Variants in TINAG observed in about 807,000 individuals in gnomAD.
The protein encoded by TINAG is tubulointerstitial nephritis antigen.
TINAG carries 83 observed loss-of-function variants against 72.7 expected under a neutral mutation model. That is an observed-to-expected ratio of 1.14 (90% CI 0.96 to 1.37). The LOEUF (loss-of-function observed/expected upper bound fraction) is 1.37, where lower values mean the gene tolerates loss of function less well. TINAG is among the 40% of genes most tolerant of loss of function. The pLI is 0.00. For synonymous variants in TINAG, 234 were observed against 189.9 expected, an observed-to-expected ratio of 1.23 and a Z score of -1.91; for missense variants, 685 against 576.6, an observed-to-expected ratio of 1.19 and a Z score of -1.93.
At chr6:54,380,675 T>C in intron 10 of TINAG, 104 bp downstream of exon 10, 1 of 809,078 alleles carries the variant, frequency 1.2e-6, no homozygotes. Flanking sequence ...TCCTCAGCTG[T>C]GTAATATTGT....
At chr6:54,342,181 G>A (rs13197807) in intron 4 of TINAG, among the ~76,000 whole-genome samples, 156 of 152,202 alleles carry the variant, frequency 1.0e-3, no homozygotes, top group African/African-American at 3.4e-3. Context: ...CTTTAGAAAA[G>A]TTTGGGAAAT....
intron 9 of TINAG, among the ~76,000 whole-genome samples, chr6:54,378,844 T>G (rs551036278): frequency 1.3e-5 from 2 of 152,142 alleles, no homozygotes; most frequent in Admixed American, 6.6e-5. Context: ...GAAAGCAAAA[T>G]TATTCTTCAT....
chr6:54,311,965 C>T (rs1784269283), intron 1 of TINAG, among the ~76,000 whole-genome samples: 1 of 152,080 alleles, frequency 6.6e-6, no homozygotes, highest in Non-Finnish European at 1.5e-5. Context: ...TTAAAAATAT[C>T]CTTAAATAGA....
At chr6:54,372,415 T>C (rs1763646967) in intron 9 of TINAG, among the ~76,000 whole-genome samples, 1 of 152,248 alleles carries the variant, frequency 6.6e-6, no homozygotes, top group Middle Eastern at 3.4e-3. Flanking sequence ...GATTTTATTT[T>C]ATAATTGAAT....
intron 3 of TINAG, among the ~76,000 whole-genome samples, chr6:54,321,729 T>G (rs1404155731): frequency 6.6e-6 from 1 of 152,162 alleles, no homozygotes; most frequent in African/African-American, 2.4e-5. Flanking sequence ...CTCCCTCTGC[T>G]GCTGCCCTCA....
chr6:54,318,706 C>T (rs565958586), intron 1 of TINAG, among the ~76,000 whole-genome samples: 11 of 152,156 alleles, frequency 7.2e-5, no homozygotes, highest in Non-Finnish European at 1.3e-4. Flanking sequence ...ATATTTTTGA[C>T]GATCTCTGTA....
At position 54,326,615 on chromosome 6, in the gene TINAG, C is replaced by T. The variant is rs935739825; in HGVS notation, c.510-187C>T. 5.9e-5 allele frequency among the ~76,000 whole-genome samples: 9 copies of T among 152,174 alleles called. No homozygotes were observed. In the East Asian group the frequency reaches 1.5e-3, roughly 26 times the overall value. On this transcript the variant is annotated intron_variant, in intron 3 of 10. Coordinates refer to ENST00000259782, the MANE Select transcript of TINAG (RefSeq NM_014464.4). ...TGGACCTTATTTAGGAAGAGTATCT[C>T]ATACCCTTGATTATAAAATAATCAA...
In TINAG at chr6:54,380,601, C is replaced by T. The variant is rs1411742790; in HGVS notation, c.1296+30C>T. 3.2e-6 allele frequency: 5 copies of T among 1,584,262 alleles called. No individual in the cohort carries two copies. The South Asian group carries it at 5.6e-5, about 18-fold the overall frequency. On this transcript the variant is annotated intron_variant, in intron 10 of 10. Coordinates refer to ENST00000259782, the MANE Select transcript of TINAG (RefSeq NM_014464.4). ...GTAACTCTTTCCAGTTGAATTCCTG[C>T]TGTGAAGTGAATATGTTCAAATCTT...
chr6:54,363,619 C>CA (rs75017897), intron 9 of TINAG, among the ~76,000 whole-genome samples: 25,777 of 115,274 alleles, frequency 0.22, 2,737 homozygotes, highest in East Asian at 0.36. Flanking sequence ...CAACGGGTAT[C>CA]AAAAAAAAAA....
At chr6:54,336,634 C>A (rs1784871001) in intron 4 of TINAG, among the ~76,000 whole-genome samples, 1 of 152,022 alleles carries the variant, frequency 6.6e-6, no homozygotes, top group South Asian at 2.1e-4. Flanking sequence ...ATTAAGAGTT[C>A]ATTTGTATGC....
chr6:54,312,875 A>G lies in TINAG; in HGVS notation c.355+3970A>G, dbSNP rs886331046. Among the ~76,000 whole-genome samples the G allele has an allele frequency of 4.6e-5, 7 of 152,062 alleles. No homozygotes were observed. In the South Asian group the frequency reaches 8.3e-4, roughly 18 times the overall value. ...GGTAACATGTATTTTCCATTTTCCCATATCCCTTACCCCTTGCTATTTTCT... is the reference window on the plus strand; with the variant it reads ...GGTAACATGTATTTTCCATTTTCCCGTATCCCTTACCCCTTGCTATTTTCT... On this transcript the variant is annotated intron_variant, in intron 1 of 10. Coordinates refer to ENST00000259782, the MANE Select transcript of TINAG (RefSeq NM_014464.4).
At chr6:54,318,531 C>T (rs1238829218) in intron 1 of TINAG, among the ~76,000 whole-genome samples, 2 of 152,098 alleles carry the variant, frequency 1.3e-5, no homozygotes, top group African/African-American at 4.8e-5. Flanking sequence ...ATCCTTCATG[C>T]TTCTGGGAAC....
At chr6:54,387,200 C>T (rs1333250346) in intron 10 of TINAG, among the ~76,000 whole-genome samples, 1 of 152,066 alleles carries the variant, frequency 6.6e-6, no homozygotes, top group Non-Finnish European at 1.5e-5. Flanking sequence ...ATTAAGACCA[C>T]AATGAAATAT....
intron 9 of TINAG, among the ~76,000 whole-genome samples, chr6:54,355,299 G>A (rs920228113): frequency 5.9e-5 from 9 of 151,768 alleles, no homozygotes; most frequent in African/African-American, 2.2e-4. Context: ...ATGCTACAAA[G>A]TTTTATTTTC....
upstream of TINAG, chr6:54,308,026 G>A (rs1482421948): frequency 1.3e-6 from 2 of 1,548,708 alleles, no homozygotes; most frequent in Non-Finnish European, 1.7e-6. Flanking sequence ...ATGATTTAGA[G>A]CAACTGTTAT....
intron 9 of TINAG, among the ~76,000 whole-genome samples, chr6:54,377,454 A>G (rs574230912): frequency 1.2e-4 from 18 of 152,038 alleles, no homozygotes; most frequent in African/African-American, 4.3e-4. Flanking sequence ...GGAGTTTGCT[A>G]TGAGCCGATA....
chr6:54,357,167 T>C (rs1313565363), intron 9 of TINAG, among the ~76,000 whole-genome samples: 1 of 152,030 alleles, frequency 6.6e-6, no homozygotes, highest in Non-Finnish European at 1.5e-5. Context: ...CCCATCCTCT[T>C]CATCTGATTT....
intron 9 of TINAG, among the ~76,000 whole-genome samples, chr6:54,367,804 T>C (rs1763479511): frequency 6.6e-6 from 1 of 151,854 alleles, no homozygotes; most frequent in Non-Finnish European, 1.5e-5. Flanking sequence ...ACACAACATT[T>C]ATTTCTCACA....
intron 1 of TINAG, among the ~76,000 whole-genome samples, chr6:54,314,515 G>A (rs1413823700): frequency 6.6e-6 from 1 of 152,046 alleles, no homozygotes; most frequent in Admixed American, 6.6e-5. Context: ...GTGGTAATGT[G>A]TCTAGCTATG....
Sources: gnomAD v4.1 joint callset for allele counts (sites outside exome capture counted in the v4.1 genomes callset) on GRCh38, gnomAD v4.1.1 for gene constraint, MANE v1.5 for transcripts, NCBI Gene and HGNC (gene_info 2026-07-23, HGNC 2026-07-21) for gene names.